The following CDH13 variants were observed in gnomAD, a reference collection of about 807,000 sequenced individuals.
CDH13 encodes the protein cadherin-13.
In CDH13, 24 loss-of-function variants were observed where a neutral mutation model predicts 63.8. The ratio of observed to expected loss-of-function variants is 0.38; its 90% CI spans 0.27 to 0.53. The LOEUF (loss-of-function observed/expected upper bound fraction) is 0.53. Among genes scored for constraint, CDH13 ranks in the 20% least tolerant of loss-of-function variants. The pLI is 0.85. For missense variants in CDH13, 1,049 were observed against 903.1 expected (o/e 1.16, Z -2.07); for synonymous variants, 503 against 355.3 (o/e 1.42, Z -4.67).
intron 7 of CDH13, among the ~76,000 whole-genome samples, chr16:83,572,168 TTCC>T (rs1904686557): frequency 9.9e-6 from 1 of 100,990 alleles, no homozygotes. Context: ...TTATTCCACT[TTCC>T]TGTGGTGTGT....
At chr16:83,062,962 A>AGTT (rs2031691381) in intron 3 of CDH13, among the ~76,000 whole-genome samples, 1 of 134,090 alleles carries the variant, frequency 7.5e-6, no homozygotes, top group Admixed American at 7.5e-5. Context: ...GGTGGTTGGC[A>AGTT]TTTTTTTTTT....
At chr16:82,840,684 CAAA>C (rs753429857) in intron 1 of CDH13, among the ~76,000 whole-genome samples, 1 of 86,738 alleles carries the variant, frequency 1.2e-5, no homozygotes, top group Non-Finnish European at 2.2e-5. Context: ...GAATCCATCT[CAAA>C]AAAAAAAAAA....
intron 1 of CDH13, among the ~76,000 whole-genome samples, chr16:82,840,436 A>G (rs1201869204): frequency 6.6e-6 from 1 of 151,630 alleles, no homozygotes; most frequent in Non-Finnish European, 1.5e-5. Flanking sequence ...TAATCCCAGC[A>G]CTTTGGGAGG....
intron 2 of CDH13, among the ~76,000 whole-genome samples, chr16:82,989,481 A>G (rs1300582474): frequency 1.3e-5 from 2 of 152,210 alleles, no homozygotes; most frequent in African/African-American, 4.8e-5. Flanking sequence ...ATTCTGGGTA[A>G]GGCAGTGGCA....
intron 6 of CDH13, among the ~76,000 whole-genome samples, chr16:83,394,609 G>C (rs931959235): frequency 2.0e-5 from 3 of 152,208 alleles, no homozygotes; most frequent in Non-Finnish European, 4.4e-5. Flanking sequence ...AGCCGCCAAG[G>C]TTTTGAGCAG....
chr16:83,683,457 T>C (rs1915566574), intron 10 of CDH13, among the ~76,000 whole-genome samples: 1 of 152,228 alleles, frequency 6.6e-6, no homozygotes, highest in African/African-American at 2.4e-5. Flanking sequence ...CTGTTTTTCA[T>C]TACCAAAATT....
chr16:83,150,377 C>T (rs1472815250), intron 4 of CDH13, among the ~76,000 whole-genome samples: 2 of 152,188 alleles, frequency 1.3e-5, no homozygotes, highest in Non-Finnish European at 2.9e-5. Flanking sequence ...ACCCACTTTT[C>T]TCTCCCTTGC....
At chr16:83,457,532 T>G (rs1186691808) in intron 6 of CDH13, among the ~76,000 whole-genome samples, 1 of 152,158 alleles carries the variant, frequency 6.6e-6, no homozygotes, top group Non-Finnish European at 1.5e-5. Context: ...GGATCCTCAA[T>G]AAATCACAGA....
chr16:83,242,167 A>G (rs1015262044), intron 5 of CDH13, among the ~76,000 whole-genome samples: 47 of 152,152 alleles, frequency 3.1e-4, no homozygotes, highest in Middle Eastern at 3.2e-3. Context: ...TAGGTTCTCT[A>G]TTCTGTTTCA....
intron 4 of CDH13, among the ~76,000 whole-genome samples, chr16:83,145,847 C>G (rs942584855): frequency 6.6e-6 from 1 of 152,082 alleles, no homozygotes; most frequent in African/African-American, 2.4e-5. Flanking sequence ...GTAGAATGAT[C>G]AGAGATCTCT....
intron 2 of CDH13, among the ~76,000 whole-genome samples, chr16:82,917,862 C>T (rs192546526): frequency 1.3e-5 from 2 of 148,794 alleles, no homozygotes; most frequent in Non-Finnish European, 3.0e-5. Context: ...TTGCAGTGAG[C>T]CGAGATCTCA....
At chr16:83,200,939 G>C (rs1309192893) in intron 4 of CDH13, among the ~76,000 whole-genome samples, 1 of 147,260 alleles carries the variant, frequency 6.8e-6, no homozygotes, top group African/African-American at 2.5e-5. Flanking sequence ...GTGTGTGTGT[G>C]TGTGTGTGTG....
chr16:83,553,078 CAA>C (rs55928810), intron 7 of CDH13, among the ~76,000 whole-genome samples: 2,598 of 134,270 alleles, frequency 0.019, 38 homozygotes, highest in African/African-American at 0.044. Context: ...GACTCCATCT[CAA>C]AAAAAAAAAA....
chr16:82,943,887 T>A (rs1904404319), intron 2 of CDH13, among the ~76,000 whole-genome samples: 1 of 152,192 alleles, frequency 6.6e-6, no homozygotes. Flanking sequence ...TCACATTTTC[T>A]TGCATCTTTT....
chr16:83,366,665 C>G (rs1487331612), intron 6 of CDH13, among the ~76,000 whole-genome samples: 1 of 152,132 alleles, frequency 6.6e-6, no homozygotes, highest in African/African-American at 2.4e-5. Flanking sequence ...GACACCTACA[C>G]CTAGAACACA....
At chr16:83,511,108 G>A (rs28718848) in intron 7 of CDH13, among the ~76,000 whole-genome samples, 39 of 40,916 alleles carry the variant, frequency 9.5e-4, no homozygotes, top group Middle Eastern at 0.03. Context: ...ACACATGCAC[G>A]CATGCACACA....
chr16:83,283,591 A>G (rs2089236957), intron 5 of CDH13, among the ~76,000 whole-genome samples: 1 of 152,166 alleles, frequency 6.6e-6, no homozygotes, highest in Non-Finnish European at 1.5e-5. Context: ...ACTCCATCTC[A>G]GAAACAAAAA....
At chr16:82,637,209 CAG>C (rs1022555203) in intron 1 of CDH13, among the ~76,000 whole-genome samples, 3 of 152,216 alleles carry the variant, frequency 2.0e-5, no homozygotes, top group African/African-American at 7.2e-5. Flanking sequence ...GTGTGAGAAA[CAG>C]AGGGTGTACC....
At chr16:83,369,837 G>T (rs1243806416) in intron 6 of CDH13, among the ~76,000 whole-genome samples, 1 of 152,118 alleles carries the variant, frequency 6.6e-6, no homozygotes, top group Non-Finnish European at 1.5e-5. Context: ...CCCAAACTGT[G>T]AGCCTCGTGT....
Sources: allele counts gnomAD v4.1 joint callset (sites outside exome capture counted in the v4.1 genomes callset), GRCh38; gene constraint gnomAD v4.1.1; transcripts MANE v1.5; gene names NCBI Gene and HGNC (gene_info 2026-07-23, HGNC 2026-07-21).